Variants in CNTNAP1 observed in about 807,000 individuals in gnomAD.
The protein encoded by CNTNAP1 is contactin-associated protein 1.
A neutral mutation model predicts 161.5 loss-of-function variants in CNTNAP1; 80 were observed. That is an observed-to-expected ratio of 0.50 (90% confidence interval 0.41 to 0.60). CNTNAP1 has a LOEUF of 0.60. Among genes scored for constraint, CNTNAP1 ranks in the 20% least tolerant of loss-of-function variants. The probability of loss-of-function intolerance (pLI) is 0.00; values close to 1 mark genes in which losing one functional copy is unlikely to be tolerated. For synonymous variants in CNTNAP1, 695 were observed against 733.1 expected (o/e 0.95, Z 0.84); for missense variants, 1,464 against 1,854.8 (o/e 0.79, Z 3.87).
At position 42,695,780 on chromosome 17, in the gene CNTNAP1, C is replaced by T; in HGVS notation, c.3252C>T (p.Val1084=). ...GPVYNVTGEE[V]SFSFSTSSAP... is the part of the protein sequence containing the mutation. Reference sequence around the variant, plus strand: ...TCTACAACGTTACGGGAGAGGAGGTCTCCTTCAGCTTCAGCACCAGCTCCG... The same window carrying T: ...TCTACAACGTTACGGGAGAGGAGGTTTCCTTCAGCTTCAGCACCAGCTCCG... Residue 1084 remains valine, a synonymous_variant, in exon 19 of 24, where the codon GTC becomes GTT. Coordinates refer to ENST00000264638, the MANE Select transcript of CNTNAP1 (RefSeq NM_003632.3). 1.9e-6 allele frequency: 3 copies of T among 1,614,200 alleles called. No individual in the cohort carries two copies. The highest frequency in any genetic ancestry group is 2.5e-6 in the Non-Finnish European group (3 of 1,180,036).
Position 42,688,946 on chromosome 17 carries a change from G to A in CNTNAP1, c.1527G>A (p.Leu509=), listed in dbSNP as rs1214917967. The A allele has an allele frequency of 1.2e-6, 2 of 1,614,074 alleles. No individual in the cohort carries two copies. Among genetic ancestry groups the A allele is most frequent in the Non-Finnish European group, 8.5e-7 (1 of 1,179,974 alleles). Residue 509 remains leucine (L), a synonymous_variant, in exon 10 of 24, where the codon CTG becomes CTA. Coordinates refer to ENST00000264638, the MANE Select transcript of CNTNAP1 (RefSeq NM_003632.3). ...CGGCATTCCATGGCTGCATGGAGCT[G>A]CTCAAGGTGGATGGTCAACTGGTCA... ...NQTAFHGCME[L]LKVDGQLVNL...
At position 42,693,523 on chromosome 17, in the gene CNTNAP1, A is replaced by G. The variant is rs61738809; in HGVS notation, c.2979A>G (p.Pro993=). The change falls in exon 18 of 24, where the codon CCA becomes CCG. Residue 993 remains proline (P), a synonymous_variant. Transcript: ENST00000264638. ...GTGACCTCACGGCTTTTGATGGGCC[A>G]TACTGCAACCACGGTAAGTGCTGCT... ...CDCDLTAFDG[P]YCNHDIGGFF... 8.3e-4 allele frequency: 1,333 copies of G among 1,613,348 alleles called. 10 individuals carry two copies. In the African/African-American group the frequency reaches 0.016, roughly 19 times the overall value.
In CNTNAP1 at chr17:42,699,180, G is replaced by A; in HGVS notation, c.*270G>A. ...CTGCCCCAAAGGAGAAGCCTCATGG[G>A]GTTGACATAGGTCCTTTCTGCCATC... On this transcript the variant is annotated 3_prime_UTR_variant, in exon 24 of 24. Transcript: ENST00000264638. 2.5e-6 allele frequency: 1 copy of A among 398,986 alleles called. No individual in the cohort carries two copies. Among genetic ancestry groups the A allele is most frequent in the Non-Finnish European group, 4.4e-6 (1 of 225,478 alleles). The allele number at this position is 398,986 out of a possible 1,614,324, so 24.7% of individuals were successfully genotyped here.
chr17:42,688,691 GGAGAATTTTGGA>G, intron 9 of CNTNAP1, 80 bp downstream of exon 9: 1 of 1,586,400 alleles, frequency 6.3e-7, no homozygotes, highest in Non-Finnish European at 8.6e-7. Context: ...GGGGCCACAT[GGAGAATTTTGGA>G]GGGATCAAGC....
chr17:42,695,864 C>G lies in CNTNAP1; in HGVS notation c.3336C>G (p.Ile1112Met). 6.2e-7 allele frequency: 1 copy of G among 1,611,522 alleles called. No individual in the cohort carries two copies. Among genetic ancestry groups the G allele is most frequent in the Non-Finnish European group, 8.5e-7 (1 of 1,177,914 alleles). ...SFVRDYMAVLIKDDGTLQLRY... is the reference protein window; with the variant it reads ...SFVRDYMAVLMKDDGTLQLRY... ...TTCGTGACTACATGGCTGTGCTCAT[C>G]AAGGATGATGGTAAGCTCTCCCGGG... Residue 1112 changes from isoleucine (I) to methionine (M), a missense_variant, in exon 19 of 24, where the codon ATC becomes ATG. Ile to Met is a conservative substitution (Grantham distance 10). Transcript: ENST00000264638.
rs749351194 is a variant in CNTNAP1, at chr17:42,687,712, G to A, written c.1045-8G>A. The A allele has an allele frequency of 6.2e-7, 1 of 1,613,238 alleles. No individual in the cohort carries two copies. The highest frequency in any genetic ancestry group is 8.5e-7 in the Non-Finnish European group (1 of 1,179,350). ...CGGGTGTTGATGCGTCTTCACTTTT[G>A]CCCCTAGGGTAAGGTGGCTTTTCGT... is the stretch of plus-strand genomic sequence containing the variant. On this transcript the variant is annotated splice_region_variant and splice_polypyrimidine_tract_variant and intron_variant, in intron 7 of 23. Transcript: ENST00000264638. The surrounding 1 kb of genome is among the most constrained non-coding windows in gnomAD (Gnocchi z 4.7).
At position 42,699,365 on chromosome 17, in the gene CNTNAP1, CT is replaced by C; in HGVS notation, c.*456del. On this transcript the variant is annotated 3_prime_UTR_variant, in exon 24 of 24. Transcript: ENST00000264638. ...TAAACCCTATCCCCCAGCCTCCCCCCTGCCCTGAAGATCTTCCATTTGCTTC... is the reference window on the plus strand; with the variant it reads ...TAAACCCTATCCCCCAGCCTCCCCCCGCCCTGAAGATCTTCCATTTGCTTC... The C allele has an allele frequency of 6.4e-6, 1 of 155,214 alleles. No homozygotes were observed. Among genetic ancestry groups the C allele is most frequent in the South Asian group, 2.1e-4 (1 of 4,846 alleles). 9.6% of individuals were successfully genotyped at this position (155,214 alleles called of 1,614,324 possible).
Position 42,685,297 on chromosome 17 carries a change from G to A in CNTNAP1, c.592G>A (p.Val198Met). 1.2e-6 allele frequency: 2 copies of A among 1,613,402 alleles called. No individual in the cohort carries two copies. Among genetic ancestry groups the A allele is most frequent in the Non-Finnish European group, 8.5e-7 (1 of 1,180,034 alleles). Residue 198 changes from valine (V) to methionine (M), a missense_variant, in exon 5 of 24, where the codon GTG becomes ATG. Around this residue, in one of 3 missense-constraint regions of CNTNAP1, gnomAD observed 1,383 missense variants for 1,765.0 expected, o/e 0.78. Transcript: ENST00000264638. This position sits in a 1 kb window ranked among gnomAD's most constrained non-coding sequence, Gnocchi z 5.0. ...PRGVSRSLWD[V>M]FAFSFKTEEK... ...AGGGGTCAGCCGAAGCCTGTGGGAC[G>A]TGTTCGCCTTCAGCTTCAAGACCGA...
chr17:42,698,592 T>A, intron 23 of CNTNAP1, 26 bp from the exon 24 acceptor site: 1 of 1,563,362 alleles, frequency 6.4e-7, no homozygotes, highest in Non-Finnish European at 8.7e-7. Flanking sequence ...CCCAAAGATC[T>A]GAATTGTCCC....
At chr17:42,698,258 G>T (rs2053175792) in intron 23 of CNTNAP1, among the ~76,000 whole-genome samples, 1 of 152,158 alleles carries the variant, frequency 6.6e-6, no homozygotes, top group African/African-American at 2.4e-5. Flanking sequence ...ATGGGAAAAT[G>T]GGGATACAGT....
intron 10 of CNTNAP1, 57 bp from the exon 11 acceptor site, chr17:42,689,464 A>C: frequency 7.3e-7 from 1 of 1,373,168 alleles, no homozygotes; most frequent in Non-Finnish European, 1.0e-6. Context: ...CAGGGATCAG[A>C]CCCCACTCTC....
At chr17:42,690,522 TC>T (rs2053071322) in intron 12 of CNTNAP1, among the ~76,000 whole-genome samples, 1 of 68,386 alleles carries the variant, frequency 1.5e-5, no homozygotes, top group Non-Finnish European at 2.9e-5. Context: ...AGACTTCATC[TC>T]AAAAAAAAAA....
intron 6 of CNTNAP1, 29 bp downstream of exon 6, chr17:42,686,170 G>A (rs1387305709): frequency 1.2e-6 from 2 of 1,610,856 alleles, no homozygotes; most frequent in East Asian, 2.2e-5. Context: ...GCTATTTCGT[G>A]GTAGGGTAGA....
In CNTNAP1 at chr17:42,685,225, A is replaced by C. The variant is rs775008173; in HGVS notation, c.520A>C (p.Ile174Leu). The C allele has an allele frequency of 2.8e-5, 45 of 1,613,698 alleles. No individual in the cohort carries two copies. The highest frequency in any genetic ancestry group is 3.6e-5 in the Non-Finnish European group (43 of 1,180,040). The part of the protein sequence containing the change: ...GLYGCPYKAD[I>L]LYFDGDDAIS... ...TACGGTCCTTTGCGCAGAGGCCGAC[A>C]TACTCTATTTCGACGGCGACGATGC... is the stretch of plus-strand genomic sequence containing the variant. The change falls in exon 5 of 24, where the codon ATA becomes CTA. Residue 174 changes from isoleucine to leucine, a missense_variant. This residue lies in a region of CNTNAP1 where 1,383 missense variants were observed against 1,765.0 expected (regional missense o/e 0.78). Coordinates refer to ENST00000264638, the MANE Select transcript of CNTNAP1 (RefSeq NM_003632.3). This position sits in a 1 kb window ranked among gnomAD's most constrained non-coding sequence, Gnocchi z 5.0.
At chr17:42,684,729 G>A (rs2052981794) in intron 3 of CNTNAP1, among the ~76,000 whole-genome samples, 1 of 152,108 alleles carries the variant, frequency 6.6e-6, no homozygotes, top group African/African-American at 2.4e-5. Flanking sequence ...TTCATGACCA[G>A]CCTGGCCAAC....
Position 42,687,878 on chromosome 17 carries a change from C to A in CNTNAP1, c.1203C>A (p.Ser401=). The change falls in exon 8 of 24, where the codon TCC becomes TCA. Residue 401 remains serine (S), a synonymous_variant. Transcript: ENST00000264638. The surrounding 1 kb of genome is among the most constrained non-coding windows in gnomAD (Gnocchi z 4.7). The part of the protein sequence containing the change: ...TWDLTGLLLF[S]RLGDGLGHVE... ...ACCTCACCGGGCTTCTCCTTTTCTCCCGTCTGGGGGACGGGCTGGGCCACG... is the reference window on the plus strand; with the variant it reads ...ACCTCACCGGGCTTCTCCTTTTCTCACGTCTGGGGGACGGGCTGGGCCACG... The A allele has an allele frequency of 6.2e-7, 1 of 1,614,226 alleles. No homozygotes were observed. The highest frequency in any genetic ancestry group is 1.1e-5 in the South Asian group (1 of 91,088).
In CNTNAP1 at chr17:42,686,130, C is replaced by A. The variant is rs139692372; in HGVS notation, c.889C>A (p.Leu297Met). The A allele has an allele frequency of 6.2e-7, 1 of 1,614,082 alleles. No homozygotes were observed. Among genetic ancestry groups the A allele is most frequent in the African/African-American group, 1.3e-5 (1 of 74,926 alleles). The change falls in exon 6 of 24, where the codon CTG becomes ATG. Residue 297 changes from leucine (L) to methionine (M), a missense_variant. Physicochemically the swap from Leu to Met is conservative, Grantham distance 15 (BLOSUM62 2). Around this residue, in one of 3 missense-constraint regions of CNTNAP1, gnomAD observed 1,383 missense variants for 1,765.0 expected, o/e 0.78. Transcript: ENST00000264638. ...ILNGDFERLN[L>M]DTEMFIGGLV... is the part of the protein sequence containing the mutation. ...CAATGGAGACTTCGAGAGGCTGAAC[C>A]TGGACACTGAGGTGAGAGACTAGGG...
Position 42,687,245 on chromosome 17 carries a change from G to A in CNTNAP1, c.1044+199G>A. 4.7e-6 allele frequency: 3 copies of A among 645,086 alleles called. No individual in the cohort carries two copies. The highest frequency in any genetic ancestry group is 7.7e-6 in the Non-Finnish European group (3 of 388,318). 40.0% of individuals were successfully genotyped at this position (645,086 alleles called of 1,614,324 possible). ...GGCCCCTAGTTAAGAAGCAGTGGTC[G>A]GGTCCAATCACCTTCTTAGTTCATA... is the stretch of plus-strand genomic sequence containing the variant. On this transcript the variant is annotated intron_variant, in intron 7 of 23. Transcript: ENST00000264638. This position sits in a 1 kb window ranked among gnomAD's most constrained non-coding sequence, Gnocchi z 4.7.
In CNTNAP1 at chr17:42,686,931, C is replaced by A. The variant is rs751281750; in HGVS notation, c.929C>A (p.Ala310Glu). Residue 310 changes from alanine to glutamate, a missense_variant, in exon 7 of 24, where the codon GCG (alanine) becomes GAG (glutamate). Ala to Glu is a moderately radical substitution (Grantham distance 107, BLOSUM62 -1). Around this residue, in one of 3 missense-constraint regions of CNTNAP1, gnomAD observed 1,383 missense variants for 1,765.0 expected, o/e 0.78. Transcript: ENST00000264638. Reference protein sequence around the residue: ...EMFIGGLVGAARKNLAYRHNF... With the variant: ...EMFIGGLVGAERKNLAYRHNF... The stretch of plus-strand genomic sequence containing the variant: ...TTCATCGGAGGTCTGGTGGGCGCCG[C>A]GCGGAAGAACCTGGCCTATCGGCAT... 1 of 1,612,208 alleles carries A rather than the reference C, an allele frequency of 6.2e-7. No homozygotes were observed. Among genetic ancestry groups the A allele is most frequent in the South Asian group, 1.1e-5 (1 of 91,022 alleles).
Sources: gnomAD v4.1 joint callset for allele counts (sites outside exome capture counted in the v4.1 genomes callset) on GRCh38, gnomAD v4.1.1 for gene constraint, gnomAD v4.1.1 regional missense constraint, Gnocchi (gnomAD v3.1) non-coding constraint, MANE v1.5 for transcripts, NCBI Gene and HGNC (gene_info 2026-07-23, HGNC 2026-07-21) for gene names.